The following CDIN1 variants were observed in gnomAD, a reference collection of about 807,000 sequenced individuals.
CDIN1 encodes CDAN1 interacting nuclease 1.
Under a neutral mutation model 45.3 loss-of-function variants are expected in CDIN1, and 33 were observed. The observed-to-expected ratio is 0.73, with a 90% CI of 0.55 to 0.97. The LOEUF is 0.97. Among genes scored for constraint, CDIN1 ranks in the 50% least tolerant of loss-of-function variants. The probability of loss-of-function intolerance (pLI) is 0.00; values close to 1 mark genes in which losing one functional copy is unlikely to be tolerated. For synonymous variants in CDIN1, 118 were observed against 124.4 expected (o/e 0.95, Z 0.34); for missense variants, 303 against 339.4 (o/e 0.89, Z 0.84).
At chr15:36,673,518 G>A (rs2041528712) in intron 5 of CDIN1, among the ~76,000 whole-genome samples, 1 of 152,018 alleles carries the variant, frequency 6.6e-6, no homozygotes, top group African/African-American at 2.4e-5. Context: ...TGCAACAAAT[G>A]TTGCCTTCTA....
intron 1 of CDIN1, among the ~76,000 whole-genome samples, chr15:36,609,699 T>G (rs775595343): frequency 6.6e-6 from 1 of 152,210 alleles, no homozygotes; most frequent in Non-Finnish European, 1.5e-5. Context: ...GGCCTGGGGA[T>G]CCAGACCAGG....
At chr15:36,672,579 A>G (rs1298360506) in intron 5 of CDIN1, among the ~76,000 whole-genome samples, 1 of 151,970 alleles carries the variant, frequency 6.6e-6, no homozygotes, top group African/African-American at 2.4e-5. Flanking sequence ...ACCTGTGTGT[A>G]TAAAGGTGGA....
chr15:36,749,756 A>C (rs907910728), intron 10 of CDIN1, among the ~76,000 whole-genome samples: 2 of 152,120 alleles, frequency 1.3e-5, no homozygotes, highest in African/African-American at 4.8e-5. Context: ...TACCTGTCCA[A>C]GTGTTCTTTT....
At chr15:36,605,364 G>T (rs2038312675) in intron 1 of CDIN1, among the ~76,000 whole-genome samples, 1 of 151,764 alleles carries the variant, frequency 6.6e-6, no homozygotes, top group Non-Finnish European at 1.5e-5. Flanking sequence ...TTTGTAACTT[G>T]TATTTTTTTT....
intron 1 of CDIN1, among the ~76,000 whole-genome samples, chr15:36,635,406 T>G (rs2039856349): frequency 6.6e-6 from 1 of 152,150 alleles, no homozygotes; most frequent in African/African-American, 2.4e-5. Context: ...AAACTTAGAT[T>G]GAAAATATGG....
Position 36,579,917 on chromosome 15 carries a change from G to T in CDIN1, c.57G>T (p.Pro19=), listed in dbSNP as rs761647379. The T allele has an allele frequency of 2.5e-6, 4 of 1,613,918 alleles. No homozygotes were observed. Among genetic ancestry groups the T allele is most frequent in the Non-Finnish European group, 2.5e-6 (3 of 1,179,872 alleles). ...TAGCCCAGTGCCTAGTGTCTGTGCC[G>T]CCTACCAGGCAGAGCCTGAGGAAGC... The part of the protein sequence containing the change: ...DEIAQCLVSV[P]PTRQSLRKLK... Residue 19 remains proline, a synonymous_variant, in exon 1 of 11, where the codon CCG becomes CCT. Transcript: ENST00000566621.
chr15:36,720,065 TG>T (rs199711323), intron 10 of CDIN1, among the ~76,000 whole-genome samples: 2,798 of 61,398 alleles, frequency 0.046, 23 homozygotes, highest in Admixed American at 0.069. Flanking sequence ...TTTTTTTATT[TG>T]TTTTTTTATT....
intron 10 of CDIN1, among the ~76,000 whole-genome samples, chr15:36,758,667 G>A (rs771905931): frequency 2.0e-5 from 3 of 152,024 alleles, no homozygotes; most frequent in Admixed American, 6.6e-5. Context: ...AATTCTTCTC[G>A]GAAGATTTCT....
chr15:36,745,343 T>C (rs2044382730), intron 10 of CDIN1, among the ~76,000 whole-genome samples: 1 of 152,176 alleles, frequency 6.6e-6, no homozygotes, highest in South Asian at 2.1e-4. Context: ...CTGGCCAGAA[T>C]GAACTTATTA....
intron 10 of CDIN1, among the ~76,000 whole-genome samples, chr15:36,749,803 C>G (rs771181820): frequency 3.9e-5 from 6 of 152,104 alleles, no homozygotes; most frequent in Non-Finnish European, 8.8e-5. Flanking sequence ...TTATTTTCAC[C>G]AGGCCATTGA....
At chr15:36,723,253 G>A (rs2140887466) in intron 10 of CDIN1, among the ~76,000 whole-genome samples, 1 of 151,714 alleles carries the variant, frequency 6.6e-6, no homozygotes, top group East Asian at 1.9e-4. Flanking sequence ...CTTATAGCTG[G>A]TATTTCATTC....
chr15:36,729,032 C>A (rs2043746134), intron 10 of CDIN1, among the ~76,000 whole-genome samples: 1 of 152,274 alleles, frequency 6.6e-6, no homozygotes, highest in South Asian at 2.1e-4. Flanking sequence ...AAATCAGCAA[C>A]ACAATGGCCA....
intron 1 of CDIN1, among the ~76,000 whole-genome samples, chr15:36,634,342 T>G (rs888309840): frequency 6.6e-6 from 1 of 151,280 alleles, no homozygotes; most frequent in Non-Finnish European, 1.5e-5. Flanking sequence ...GAGAATCCCT[T>G]GAACCAGGGA....
chr15:36,709,731 T>A (rs1178069191), intron 9 of CDIN1, 125 bp from the exon 10 acceptor site: 1 of 651,664 alleles, frequency 1.5e-6, no homozygotes, highest in Non-Finnish European at 2.7e-6. Context: ...GTAATTACAT[T>A]TATAGATGAT....
rs915705185 is a variant in CDIN1 at position 36,773,075 on chromosome 15, G to C, written c.717-35249G>C. Among the ~76,000 whole-genome samples, 5 of 151,972 alleles carry C rather than the reference G, an allele frequency of 3.3e-5. No individual in the cohort carries two copies. The East Asian group carries it at 9.7e-4, about 29-fold the overall frequency. On this transcript the variant is annotated intron_variant, in intron 10 of 10. Transcript: ENST00000566621. ...ATTCTTCATCCTGTTTGTGGGGGGT[G>C]GGGGGAGGTTCAGGAAAAAAATATC...
intron 10 of CDIN1, among the ~76,000 whole-genome samples, chr15:36,770,513 A>G (rs572022881): frequency 4.6e-5 from 7 of 152,168 alleles, no homozygotes; most frequent in East Asian, 3.9e-4. Context: ...CAATGGCACA[A>G]TCTCCACTCA....
intron 1 of CDIN1, among the ~76,000 whole-genome samples, chr15:36,641,663 A>G (rs575196113): frequency 6.6e-6 from 1 of 152,342 alleles, no homozygotes; most frequent in African/African-American, 2.4e-5. Flanking sequence ...GATTCAGGGT[A>G]TGATTTACTT....
intron 8 of CDIN1, chr15:36,706,428 C>CA (rs2042866847): frequency 6.6e-6 from 1 of 152,086 alleles, no homozygotes. Context: ...GCTTGGCCAA[C>CA]ATGGGGAAAC....
chr15:36,661,846 G>T (rs2140486814), intron 5 of CDIN1, among the ~76,000 whole-genome samples: 1 of 152,244 alleles, frequency 6.6e-6, no homozygotes, highest in African/African-American at 2.4e-5. Context: ...ATAGAAAACT[G>T]TTAATGAAAA....
Sources: gnomAD v4.1 joint callset for allele counts (sites outside exome capture counted in the v4.1 genomes callset) on GRCh38, gnomAD v4.1.1 for gene constraint, MANE v1.5 for transcripts, NCBI Gene and HGNC (gene_info 2026-07-23, HGNC 2026-07-21) for gene names.